Variants in NOS1AP observed in about 807,000 individuals in gnomAD.
The protein encoded by NOS1AP is carboxyl-terminal PDZ ligand of neuronal nitric oxide synthase protein.
In NOS1AP, 21 loss-of-function variants were observed where a neutral mutation model predicts 56.2. The observed-to-expected ratio is 0.37, with a 90% CI of 0.26 to 0.54. The LOEUF (loss-of-function observed/expected upper bound fraction) is 0.54. Among genes scored for constraint, NOS1AP ranks in the 20% least tolerant of loss-of-function variants. The pLI, the probability that NOS1AP is intolerant of heterozygous loss-of-function variation, is 0.84. For synonymous variants in NOS1AP, 270 were observed against 274.6 expected (o/e 0.98, Z 0.17); for missense variants, 522 against 657.8 (o/e 0.79, Z 2.26).
At chr1:162,337,527 A>G (rs1483793147) in intron 5 of NOS1AP, among the ~76,000 whole-genome samples, 1 of 152,186 alleles carries the variant, frequency 6.6e-6, no homozygotes, top group Non-Finnish European at 1.5e-5. Flanking sequence ...TGCAGGAATC[A>G]TGGGTCTCAG....
intron 1 of NOS1AP, among the ~76,000 whole-genome samples, chr1:162,082,294 G>A (rs1452217947): frequency 6.6e-6 from 1 of 152,082 alleles, no homozygotes; most frequent in Non-Finnish European, 1.5e-5. Context: ...TGGCTGCATA[G>A]TATTCCATGA....
chr1:162,345,221 A>ATG (rs1375575467), intron 6 of NOS1AP, among the ~76,000 whole-genome samples: 1 of 151,522 alleles, frequency 6.6e-6, no homozygotes, highest in Non-Finnish European at 1.5e-5. Context: ...TTAGTTACAT[A>ATG]TGTATACATG....
chr1:162,074,590 A>T (rs887961035), intron 1 of NOS1AP, among the ~76,000 whole-genome samples: 11 of 152,202 alleles, frequency 7.2e-5, no homozygotes, highest in African/African-American at 2.7e-4. Flanking sequence ...CCCTGGCTTC[A>T]AACTGGTTTC....
rs73026955 is a variant in NOS1AP, at chr1:162,161,933, G to A, written c.177+7457G>A. 7.0e-3 allele frequency among the ~76,000 whole-genome samples: 1,061 copies of A among 152,280 alleles called. 14 individuals carry two copies. Among genetic ancestry groups the A allele is most frequent in the African/African-American group, 0.024 (1,017 of 41,540 alleles). On this transcript the variant is annotated intron_variant, in intron 2 of 9. Transcript: ENST00000361897. ...ATACATGAATTCAGTTGCCTCTAGGGCAATTATTATTTTTAACCAGTCAGT... is the reference window on the plus strand; with the variant it reads ...ATACATGAATTCAGTTGCCTCTAGGACAATTATTATTTTTAACCAGTCAGT...
At chr1:162,239,377 C>A (rs1396548077) in intron 2 of NOS1AP, among the ~76,000 whole-genome samples, 1 of 152,194 alleles carries the variant, frequency 6.6e-6, no homozygotes, top group Non-Finnish European at 1.5e-5. Flanking sequence ...ATTCAGTGGA[C>A]TGCATCAACC....
chr1:162,142,178 G>A (rs1470714813), intron 1 of NOS1AP, among the ~76,000 whole-genome samples: 1 of 152,186 alleles, frequency 6.6e-6, no homozygotes, highest in South Asian at 2.1e-4. Flanking sequence ...CTTAGATGTA[G>A]AGCTGACAGA....
At chr1:162,314,180 G>T (rs1436830878) in intron 4 of NOS1AP, among the ~76,000 whole-genome samples, 1 of 152,162 alleles carries the variant, frequency 6.6e-6, no homozygotes, top group Non-Finnish European at 1.5e-5. Flanking sequence ...ACTGGGAAGG[G>T]TTATCACAGC....
At chr1:162,070,784 T>C (rs990922656) in intron 1 of NOS1AP, among the ~76,000 whole-genome samples, 2 of 152,034 alleles carry the variant, frequency 1.3e-5, no homozygotes, top group African/African-American at 4.8e-5. Flanking sequence ...CGGGTCTAGG[T>C]GTCAGAGTCA....
At chr1:162,135,150 A>C (rs543297719) in intron 1 of NOS1AP, among the ~76,000 whole-genome samples, 1 of 152,334 alleles carries the variant, frequency 6.6e-6, no homozygotes, top group East Asian at 1.9e-4. Context: ...ACCTTATTAC[A>C]GCAGTGACCT....
chr1:162,164,283 C>A (rs1051689361), intron 2 of NOS1AP, among the ~76,000 whole-genome samples: 2 of 152,180 alleles, frequency 1.3e-5, no homozygotes, highest in African/African-American at 4.8e-5. Flanking sequence ...CCCTTTGGTT[C>A]ATGTTCTTGG....
intron 1 of NOS1AP, among the ~76,000 whole-genome samples, chr1:162,107,311 T>G (rs6672881): frequency 0.51 from 77,129 of 152,086 alleles, 21,735 homozygotes; most frequent in Non-Finnish European, 0.64. Context: ...TTTCTTGGTT[T>G]GGTCATGGAA....
chr1:162,253,753 G>A (rs1653939185), intron 2 of NOS1AP, among the ~76,000 whole-genome samples: 1 of 151,830 alleles, frequency 6.6e-6, no homozygotes, highest in Admixed American at 6.6e-5. Flanking sequence ...TTATCTTCTG[G>A]GTTTTTTTTC....
intron 4 of NOS1AP, among the ~76,000 whole-genome samples, chr1:162,321,731 A>AAAATATATATATATATAT (rs1480278757): frequency 6.2e-5 from 8 of 128,488 alleles, no homozygotes; most frequent in African/African-American, 2.3e-4. Context: ...AAAAAAAAAA[A>AAAATATATATATATATAT]ATATATATAT....
chr1:162,179,439 C>A (rs1270720115), intron 2 of NOS1AP, among the ~76,000 whole-genome samples: 3 of 152,118 alleles, frequency 2.0e-5, no homozygotes, highest in African/African-American at 4.8e-5. Context: ...AATTCTACAG[C>A]CATTGCCAGT....
At chr1:162,319,779 C>G (rs1656353448) in intron 4 of NOS1AP, among the ~76,000 whole-genome samples, 1 of 152,166 alleles carries the variant, frequency 6.6e-6, no homozygotes, top group Admixed American at 6.5e-5. Flanking sequence ...CCTGCCCTGC[C>G]TCTCTGGACT....
chr1:162,307,160 G>A (rs900470336), intron 4 of NOS1AP, among the ~76,000 whole-genome samples: 41 of 152,062 alleles, frequency 2.7e-4, no homozygotes, highest in African/African-American at 9.7e-4. Flanking sequence ...AATAGTATTG[G>A]AGTAGTTGTT....
At chr1:162,200,053 A>G (rs1201992309) in intron 2 of NOS1AP, among the ~76,000 whole-genome samples, 1 of 152,164 alleles carries the variant, frequency 6.6e-6, no homozygotes, top group Non-Finnish European at 1.5e-5. Context: ...AACCCATTTC[A>G]CTTCCTTGGC....
intron 4 of NOS1AP, among the ~76,000 whole-genome samples, chr1:162,304,925 T>G (rs1301170345): frequency 1.3e-5 from 2 of 152,152 alleles, no homozygotes; most frequent in African/African-American, 4.8e-5. Flanking sequence ...GTTATTTTTC[T>G]GCCCTGAAGG....
At chr1:162,193,129 G>T (rs990202999) in intron 2 of NOS1AP, among the ~76,000 whole-genome samples, 1 of 152,190 alleles carries the variant, frequency 6.6e-6, no homozygotes, top group Admixed American at 6.5e-5. Context: ...CTGAAAAGAT[G>T]ACTCTCAGGC....
Sources: gnomAD v4.1 joint callset for allele counts (sites outside exome capture counted in the v4.1 genomes callset) on GRCh38, gnomAD v4.1.1 for gene constraint, MANE v1.5 for transcripts, NCBI Gene and HGNC (gene_info 2026-07-23, HGNC 2026-07-21) for gene names.